Variants in CDC25A observed in about 807,000 individuals in gnomAD.
CDC25A encodes the protein M-phase inducer phosphatase 1.
CDC25A carries 17 observed loss-of-function variants against 64.6 expected under a neutral mutation model. The observed-to-expected ratio is 0.26, with a 90% CI of 0.18 to 0.39. CDC25A has a LOEUF of 0.39. CDC25A is among the 10% of genes least tolerant of loss of function. CDC25A has a pLI of 1.00. For missense variants in CDC25A, 473 were observed against 654.8 expected (o/e 0.72, Z 3.03); for synonymous variants, 229 against 238.6 (o/e 0.96, Z 0.37).
intron 9 of CDC25A, among the ~76,000 whole-genome samples, chr3:48,168,425 G>A (rs2032134107): frequency 1.3e-5 from 2 of 149,180 alleles, no homozygotes; most frequent in Non-Finnish European, 3.0e-5. Flanking sequence ...GCATGGTGGT[G>A]TGTGCCTGTA....
chr3:48,186,596 C>A, intron 2 of CDC25A, 107 bp downstream of exon 2: 5 of 650,794 alleles, frequency 7.7e-6, no homozygotes, highest in East Asian at 3.0e-5. Flanking sequence ...AAGTTTATCA[C>A]CCAATGCCAT....
chr3:48,173,209 C>CAAAA (rs35936117), intron 9 of CDC25A, among the ~76,000 whole-genome samples: 1 of 54,526 alleles, frequency 1.8e-5, no homozygotes, highest in Non-Finnish European at 4.1e-5. Context: ...CAGAGCGTCT[C>CAAAA]AAAAAAAAAA....
intron 8 of CDC25A, among the ~76,000 whole-genome samples, chr3:48,175,849 T>A: frequency 1.3e-5 from 2 of 152,350 alleles, no homozygotes. Context: ...CACATGAATG[T>A]ACTATAATCC....
At chr3:48,185,426 A>AC (rs1158635936) in intron 2 of CDC25A, among the ~76,000 whole-genome samples, 2 of 150,482 alleles carry the variant, frequency 1.3e-5, no homozygotes, top group Non-Finnish European at 3.0e-5. Flanking sequence ...CTGTCTCAAA[A>AC]AAAAAAAAAA....
intron 13 of CDC25A, among the ~76,000 whole-genome samples, chr3:48,160,734 C>T (rs2106681208): frequency 6.6e-6 from 1 of 152,248 alleles, no homozygotes; most frequent in African/African-American, 2.4e-5. Flanking sequence ...GTATCTGGTA[C>T]ACAAGAGCCA....
At chr3:48,168,360 C>CACACACACACA in intron 9 of CDC25A, among the ~76,000 whole-genome samples, 1 of 106,538 alleles carries the variant, frequency 9.4e-6, no homozygotes, top group Non-Finnish European at 1.8e-5. Context: ...AAGACCCTGT[C>CACACACACACA]CACACACACA....
At chr3:48,168,129 T>C (rs1052665459) in intron 9 of CDC25A, among the ~76,000 whole-genome samples, 185 bp from the exon 10 acceptor site, 10 of 151,100 alleles carry the variant, frequency 6.6e-5, no homozygotes, top group African/African-American at 2.4e-4. Context: ...AGGTCTCCTA[T>C]TATTCCAGTG....
At chr3:48,186,124 G>A (rs2032834341) in intron 2 of CDC25A, among the ~76,000 whole-genome samples, 2 of 152,176 alleles carry the variant, frequency 1.3e-5, no homozygotes, top group African/African-American at 4.8e-5. Context: ...ATTTTAACCA[G>A]TAAGATTGCC....
At position 48,182,992 on chromosome 3, in the gene CDC25A, G is replaced by A; in HGVS notation, c.366C>T (p.Ser122=). Residue 122 remains serine (S), a synonymous_variant, in exon 5 of 15, where the codon AGC becomes AGT. Transcript: ENST00000302506. ...LLGCSPALKR[S]HSDSLDHDIF... is the part of the protein sequence containing the mutation. ...TGTCATGGTCAAGAGAATCAGAATG[G>A]CTCCTCTTCAGAGCTGGACTACATC... 6.2e-7 allele frequency: 1 copy of A among 1,613,596 alleles called. No individual in the cohort carries two copies. The highest frequency in any genetic ancestry group is 8.5e-7 in the Non-Finnish European group (1 of 1,179,534).
chr3:48,165,889 T>G lies in CDC25A; in HGVS notation c.1034A>C (p.Tyr345Ser). ...TTTCCCAGCAACTGTATGAAAGAGA[T>G]AACCCTTAAAAAGAAAAAAAGATAC... ...RDLIGDFSKG[Y>S]LFHTVAGKHQ... Residue 345 changes from tyrosine to serine, a missense_variant, in exon 11 of 15, where the codon TAT (tyrosine) becomes TCT (serine). By Grantham distance (144) the Tyr-to-Ser change is moderately radical (BLOSUM62 -2). Transcript: ENST00000302506. The G allele has an allele frequency of 1.9e-6, 3 of 1,586,986 alleles. No homozygotes were observed. The highest frequency in any genetic ancestry group is 1.7e-6 in the Non-Finnish European group (2 of 1,155,340).
intron 3 of CDC25A, 92 bp downstream of exon 3, chr3:48,184,561 G>T: frequency 2.4e-6 from 2 of 832,776 alleles, no homozygotes; most frequent in Non-Finnish European, 3.9e-6. Flanking sequence ...CAGGGCTCCA[G>T]TCCAGTGTAT....
intron 3 of CDC25A, among the ~76,000 whole-genome samples, chr3:48,184,200 A>G (rs1380350548): frequency 2.6e-5 from 4 of 152,088 alleles, no homozygotes; most frequent in Non-Finnish European, 5.9e-5. Context: ...CGTGTCTACT[A>G]AAAATACAAA....
chr3:48,182,035 C>T (rs1305742741), intron 5 of CDC25A, among the ~76,000 whole-genome samples: 1 of 152,182 alleles, frequency 6.6e-6, no homozygotes, highest in African/African-American at 2.4e-5. Context: ...TAAAACAAAG[C>T]TCCAGGCAAG....
intron 13 of CDC25A, among the ~76,000 whole-genome samples, chr3:48,159,997 C>T (rs2031680490): frequency 6.6e-6 from 1 of 152,156 alleles, no homozygotes; most frequent in Non-Finnish European, 1.5e-5. Context: ...AGGCCTACAG[C>T]TCTACAGGCC....
chr3:48,186,597 C>T, intron 2 of CDC25A, 106 bp downstream of exon 2: 1 of 676,028 alleles, frequency 1.5e-6, no homozygotes, highest in Non-Finnish European at 2.6e-6. Context: ...AGTTTATCAC[C>T]CAATGCCATG....
chr3:48,162,142 TATGAG>T (rs2106687116), intron 13 of CDC25A, among the ~76,000 whole-genome samples: 1 of 152,270 alleles, frequency 6.6e-6, no homozygotes, highest in Admixed American at 6.5e-5. Flanking sequence ...TTGAAGGACT[TATGAG>T]ATGACAGTCA....
intron 5 of CDC25A, among the ~76,000 whole-genome samples, chr3:48,182,008 C>CTA (rs1362630152): frequency 1.3e-5 from 2 of 152,200 alleles, no homozygotes; most frequent in East Asian, 3.8e-4. Flanking sequence ...TAACCACCAT[C>CTA]TATGCTGTTT....
chr3:48,165,180 G>A (rs1366572112), intron 12 of CDC25A, among the ~76,000 whole-genome samples: 5 of 147,494 alleles, frequency 3.4e-5, no homozygotes, highest in Admixed American at 1.4e-4. Context: ...GTCCCAACAC[G>A]CCCCTCCACC....
At chr3:48,177,277 T>C (rs1477083852) in intron 8 of CDC25A, 94 bp downstream of exon 8, 2 of 946,908 alleles carry the variant, frequency 2.1e-6, no homozygotes, top group East Asian at 4.8e-5. Flanking sequence ...AATCCTATCA[T>C]GCATTTCAAT....
Sources: allele counts gnomAD v4.1 joint callset (sites outside exome capture counted in the v4.1 genomes callset), GRCh38; gene constraint gnomAD v4.1.1; transcripts MANE v1.5; gene names NCBI Gene and HGNC (gene_info 2026-07-23, HGNC 2026-07-21).